CFAP299: variants seen among roughly 807,000 people sequenced by gnomAD.
The protein encoded by CFAP299 is cilia and flagella associated protein 299, also known as cilia- and flagella-associated protein 299.
In CFAP299, 21 loss-of-function variants were observed where a neutral mutation model predicts 27.0. The ratio of observed to expected loss-of-function variants is 0.78; its 90% CI spans 0.55 to 1.12. CFAP299 has a LOEUF of 1.12. Among genes scored for constraint, CFAP299 ranks in the 50% most tolerant of loss-of-function variants. The probability of loss-of-function intolerance (pLI) is 0.00; values close to 1 mark genes in which losing one functional copy is unlikely to be tolerated. For synonymous variants in CFAP299, 104 were observed against 98.1 expected (o/e 1.06, Z -0.36); for missense variants, 310 against 276.6 (o/e 1.12, Z -0.86).
At chr4:80,804,890 G>GA (rs1173301745) in intron 3 of CFAP299, among the ~76,000 whole-genome samples, 1 of 152,092 alleles carries the variant, frequency 6.6e-6, no homozygotes, top group East Asian at 1.9e-4. Context: ...CTGATAAGGA[G>GA]AGACTGGTGT....
At chr4:80,608,310 T>A in intron 3 of CFAP299, 2 of 1,503,718 alleles carry the variant, frequency 1.3e-6, no homozygotes, top group Non-Finnish European at 1.8e-6. Flanking sequence ...CTCAGTTGGA[T>A]TTCCCCTTTT....
intron 3 of CFAP299, among the ~76,000 whole-genome samples, chr4:80,588,081 C>CA (rs1237902216): frequency 2.6e-5 from 4 of 151,214 alleles, no homozygotes; most frequent in African/African-American, 9.9e-5. Context: ...AGTCTGATCT[C>CA]ACAGAGAGCT....
At chr4:80,544,228 A>C (rs1734128912) in intron 2 of CFAP299, among the ~76,000 whole-genome samples, 2 of 152,198 alleles carry the variant, frequency 1.3e-5, no homozygotes, top group Admixed American at 1.3e-4. Flanking sequence ...AAATGAAAGA[A>C]CAATACCTGC....
intron 4 of CFAP299, among the ~76,000 whole-genome samples, chr4:80,897,662 G>A (rs1181004140): frequency 2.0e-5 from 3 of 152,138 alleles, no homozygotes; most frequent in African/African-American, 7.2e-5. Flanking sequence ...GACAGCTCCA[G>A]AAACATGTTT....
At chr4:80,415,138 A>G (rs968466093) in intron 2 of CFAP299, among the ~76,000 whole-genome samples, 43 of 152,242 alleles carry the variant, frequency 2.8e-4, no homozygotes, top group Non-Finnish European at 5.9e-4. Context: ...AACTTAAAAA[A>G]TGAAAATATA....
intron 2 of CFAP299, among the ~76,000 whole-genome samples, chr4:80,433,241 T>C (rs1446512649): frequency 6.6e-6 from 1 of 152,160 alleles, no homozygotes; most frequent in African/African-American, 2.4e-5. Flanking sequence ...ACCATGGAGG[T>C]ACCCTGTACT....
intron 2 of CFAP299, among the ~76,000 whole-genome samples, chr4:80,581,410 A>T (rs1265296822): frequency 7.0e-6 from 1 of 143,714 alleles, no homozygotes; most frequent in Non-Finnish European, 1.5e-5. Context: ...ATGTATATTT[A>T]GGTTTTTTAT....
intron 3 of CFAP299, among the ~76,000 whole-genome samples, chr4:80,835,256 C>T (rs968103939): frequency 9.9e-5 from 15 of 152,168 alleles, no homozygotes; most frequent in Admixed American, 5.9e-4. Context: ...CCCGTCACCA[C>T]GCCTGGCTAA....
At chr4:80,929,897 C>A (rs1578246461) in intron 4 of CFAP299, among the ~76,000 whole-genome samples, 1 of 152,122 alleles carries the variant, frequency 6.6e-6, no homozygotes, top group African/African-American at 2.4e-5. Flanking sequence ...TTATGAAATA[C>A]AAATTTGGCC....
At chr4:80,845,756 G>A (rs1731149450) in intron 3 of CFAP299, among the ~76,000 whole-genome samples, 2 of 151,952 alleles carry the variant, frequency 1.3e-5, no homozygotes, top group Non-Finnish European at 2.9e-5. Context: ...TGCCTATAAT[G>A]TTGGTTTTGG....
chr4:80,645,509 T>C (rs1321348102), intron 3 of CFAP299, among the ~76,000 whole-genome samples: 1 of 152,096 alleles, frequency 6.6e-6, no homozygotes, highest in Non-Finnish European at 1.5e-5. Flanking sequence ...GTGTATCTGT[T>C]TGTATCTATG....
chr4:80,666,772 A>G (rs1741160687), intron 3 of CFAP299, among the ~76,000 whole-genome samples: 1 of 152,322 alleles, frequency 6.6e-6, no homozygotes, highest in African/African-American at 2.4e-5. Context: ...CCAAATAGGG[A>G]AAAAAGCAGT....
intron 2 of CFAP299, among the ~76,000 whole-genome samples, chr4:80,575,720 T>C (rs1347884744): frequency 2.0e-5 from 3 of 152,128 alleles, no homozygotes; most frequent in Non-Finnish European, 4.4e-5. Flanking sequence ...TAAAGATGCA[T>C]CATTAAGTTG....
intron 2 of CFAP299, among the ~76,000 whole-genome samples, chr4:80,471,342 A>G (rs973459292): frequency 3.3e-5 from 5 of 151,902 alleles, no homozygotes; most frequent in Admixed American, 3.3e-4. Context: ...TCCAAACCCA[A>G]CCAATTAAGA....
At chr4:80,807,905 T>G (rs1560423020) in intron 3 of CFAP299, among the ~76,000 whole-genome samples, 1 of 152,080 alleles carries the variant, frequency 6.6e-6, no homozygotes, top group Non-Finnish European at 1.5e-5. Flanking sequence ...GGGACATCAT[T>G]GCTTGCACTG....
chr4:80,383,769 C>A (rs954709171), intron 2 of CFAP299, among the ~76,000 whole-genome samples: 3 of 152,098 alleles, frequency 2.0e-5, no homozygotes, highest in Admixed American at 2.0e-4. Flanking sequence ...CTATATTGAG[C>A]AATTGTCTTA....
chr4:80,626,230 A>G (rs986662544), intron 3 of CFAP299, among the ~76,000 whole-genome samples: 10 of 152,000 alleles, frequency 6.6e-5, no homozygotes, highest in African/African-American at 1.9e-4. Flanking sequence ...ACATAAATTA[A>G]TTAGAGGAGA....
chr4:80,746,007 A>G (rs1469280499), intron 3 of CFAP299, among the ~76,000 whole-genome samples: 1 of 152,104 alleles, frequency 6.6e-6, no homozygotes, highest in Admixed American at 6.6e-5. Context: ...TCTGGCTATC[A>G]GTCCCTTCTG....
intron 4 of CFAP299, among the ~76,000 whole-genome samples, chr4:80,920,249 C>G (rs911882035): frequency 6.6e-6 from 1 of 152,120 alleles, no homozygotes; most frequent in Non-Finnish European, 1.5e-5. Flanking sequence ...TGTGACTCAC[C>G]TATCTCCCCT....
Sources: gnomAD v4.1 joint callset for allele counts (sites outside exome capture counted in the v4.1 genomes callset) on GRCh38, gnomAD v4.1.1 for gene constraint, MANE v1.5 for transcripts, NCBI Gene and HGNC (gene_info 2026-07-23, HGNC 2026-07-21) for gene names.